SRD5A2: variants seen among roughly 807,000 people sequenced by gnomAD.
The protein encoded by SRD5A2 is 3-oxo-5-alpha-steroid 4-dehydrogenase 2.
Under a neutral mutation model 27.4 loss-of-function variants are expected in SRD5A2, and 30 were observed. The ratio of observed to expected loss-of-function variants is 1.10; its 90% CI spans 0.82 to 1.49. SRD5A2 has a LOEUF of 1.49. Ranked by LOEUF, SRD5A2 falls within the 40% of genes most tolerant of loss-of-function variation. SRD5A2 has a pLI of 0.00. For missense variants in SRD5A2, 348 were observed against 323.4 expected, an observed-to-expected ratio of 1.08 and a Z score of -0.58; for synonymous variants, 141 against 133.6, an observed-to-expected ratio of 1.06 and a Z score of -0.38.
chr2:31,542,785 C>G (rs966433097), intron 1 of SRD5A2, among the ~76,000 whole-genome samples: 3 of 151,936 alleles, frequency 2.0e-5, no homozygotes, highest in African/African-American at 7.3e-5. Context: ...GTGAGCAGAG[C>G]CCAAGAGACC....
intron 1 of SRD5A2, among the ~76,000 whole-genome samples, chr2:31,557,950 A>G (rs1317801015): frequency 1.3e-5 from 2 of 152,218 alleles, no homozygotes; most frequent in Admixed American, 1.3e-4. Flanking sequence ...GACTAGTGCT[A>G]TCTCACTTTC....
the SRD5A2 span, among the ~76,000 whole-genome samples, chr2:31,614,394 G>A: frequency 5.9e-5 from 9 of 152,242 alleles, no homozygotes; most frequent in South Asian, 4.1e-4. Flanking sequence ...AGGTCATGCT[G>A]ATGCAAGTGG....
chr2:31,655,095 A>G, the SRD5A2 span, among the ~76,000 whole-genome samples: 2 of 151,970 alleles, frequency 1.3e-5, no homozygotes, highest in African/African-American at 2.4e-5. Flanking sequence ...GCTTTTTTTA[A>G]TTTTTTTATT....
the SRD5A2 span, among the ~76,000 whole-genome samples, chr2:31,607,969 T>G: frequency 6.6e-6 from 1 of 151,876 alleles, no homozygotes. Context: ...AACGGTACAA[T>G]GAGAAGACAG....
chr2:31,616,033 C>T, the SRD5A2 span, among the ~76,000 whole-genome samples: 2 of 152,012 alleles, frequency 1.3e-5, no homozygotes, highest in Non-Finnish European at 2.9e-5. Context: ...GGTTTGGGAA[C>T]ATGCACCTAA....
chr2:31,593,266 TA>T, the SRD5A2 span, among the ~76,000 whole-genome samples: 25 of 151,048 alleles, frequency 1.7e-4, no homozygotes, highest in Non-Finnish European at 2.8e-4. Context: ...ATAATAATAA[TA>T]AAAAAAAGAA....
chr2:31,648,812 T>G, the SRD5A2 span, among the ~76,000 whole-genome samples: 2 of 152,168 alleles, frequency 1.3e-5, no homozygotes, highest in Non-Finnish European at 2.9e-5. Context: ...TATTTGAAGC[T>G]TCTAATTCAC....
At chr2:31,567,454 G>GTATATA (rs575917234) in intron 1 of SRD5A2, among the ~76,000 whole-genome samples, 11,142 of 91,560 alleles carry the variant, frequency 0.12, 472 homozygotes, top group Middle Eastern at 0.22. Context: ...GTGTGTGTGT[G>GTATATA]TGTATATATA....
At chr2:31,586,478 G>A in the SRD5A2 span, among the ~76,000 whole-genome samples, 1 of 152,268 alleles carries the variant, frequency 6.6e-6, no homozygotes, top group South Asian at 2.1e-4. Context: ...GTCTGGCTGA[G>A]CACAGTCATA....
At chr2:31,578,276 T>C (rs1667000093) in intron 1 of SRD5A2, among the ~76,000 whole-genome samples, 1 of 152,148 alleles carries the variant, frequency 6.6e-6, no homozygotes, top group African/African-American at 2.4e-5. Flanking sequence ...AGAATAAATA[T>C]AGTTTTTAAA....
At chr2:31,614,001 T>C in the SRD5A2 span, among the ~76,000 whole-genome samples, 1 of 152,150 alleles carries the variant, frequency 6.6e-6, no homozygotes, top group African/African-American at 2.4e-5. Context: ...CAAGATAAGA[T>C]TTGGGTGGGA....
At chr2:31,559,941 T>C (rs1328005482) in intron 1 of SRD5A2, among the ~76,000 whole-genome samples, 2 of 151,242 alleles carry the variant, frequency 1.3e-5, no homozygotes, top group Admixed American at 1.3e-4. Context: ...CAAAGTTTCC[T>C]CCAGGAACTG....
At chr2:31,527,607 C>T (rs777456882) in intron 4 of SRD5A2, 3 of 152,104 alleles carry the variant, frequency 2.0e-5, no homozygotes, top group Non-Finnish European at 2.9e-5. Flanking sequence ...CAGTAGAGTC[C>T]CTCCTTCCCA....
the SRD5A2 span, among the ~76,000 whole-genome samples, chr2:31,616,279 T>TG: frequency 6.6e-6 from 1 of 152,172 alleles, no homozygotes; most frequent in Non-Finnish European, 1.5e-5. Flanking sequence ...GAGTCCCAAC[T>TG]GGGGCACTGC....
At chr2:31,602,421 T>A in the SRD5A2 span, among the ~76,000 whole-genome samples, 1 of 152,028 alleles carries the variant, frequency 6.6e-6, no homozygotes, top group Admixed American at 6.6e-5. Flanking sequence ...CGCAAACAAA[T>A]GGAAAAGCAT....
chr2:31,525,803 C>CT lies in SRD5A2; in HGVS notation c.*392dup, dbSNP rs1665763542. The CT allele has an allele frequency of 4.1e-6, 1 of 244,944 alleles. No individual in the cohort carries two copies. The highest frequency in any genetic ancestry group is 2.2e-5 in the African/African-American group (1 of 45,682). 15.2% of individuals were successfully genotyped at this position (244,944 alleles called of 1,614,324 possible). ...ATAAAATGCATACCTTTAATAAGGTCTATAAGTACTGCCTTCAAGTCAAAA... is the reference window on the plus strand; with the variant it reads ...ATAAAATGCATACCTTTAATAAGGTCTTATAAGTACTGCCTTCAAGTCAAAA... On this transcript the variant is annotated 3_prime_UTR_variant, in exon 5 of 5. Coordinates refer to ENST00000622030, the MANE Select transcript of SRD5A2 (RefSeq NM_000348.4).
upstream of SRD5A2, among the ~76,000 whole-genome samples, chr2:31,581,692 C>A (rs1031829129): frequency 4.6e-5 from 7 of 152,244 alleles, no homozygotes; most frequent in African/African-American, 1.7e-4. Context: ...TCTGCGCGTC[C>A]TCTCCCGCCA....
upstream of SRD5A2, among the ~76,000 whole-genome samples, chr2:31,582,068 G>C (rs987344034): frequency 1.3e-5 from 2 of 151,924 alleles, no homozygotes; most frequent in Non-Finnish European, 2.9e-5. Context: ...CCCACCTGCT[G>C]TTTACCTCAT....
chr2:31,641,206 C>T, the SRD5A2 span, among the ~76,000 whole-genome samples: 1 of 151,888 alleles, frequency 6.6e-6, no homozygotes, highest in Non-Finnish European at 1.5e-5. Context: ...AGCAGAAGAC[C>T]CTCTATATTT....
Sources: gnomAD v4.1 joint callset for allele counts (sites outside exome capture counted in the v4.1 genomes callset) on GRCh38, gnomAD v4.1.1 for gene constraint, MANE v1.5 for transcripts, NCBI Gene and HGNC (gene_info 2026-07-23, HGNC 2026-07-21) for gene names.